NEK10: variants seen among roughly 807,000 people sequenced by gnomAD.
NEK10 encodes NIMA related kinase 10, also known as serine/threonine-protein kinase Nek10.
Under a neutral mutation model 159.8 loss-of-function variants are expected in NEK10, and 122 were observed. The observed-to-expected ratio is 0.76, with a 90% confidence interval of 0.66 to 0.89. NEK10 has a LOEUF of 0.89. Ranked by LOEUF, NEK10 falls within the 40% of genes least tolerant of loss-of-function variation. The pLI, the probability that NEK10 is intolerant of heterozygous loss-of-function variation, is 0.00. For missense variants in NEK10, 1,342 were observed against 1,323.1 expected (o/e 1.01, Z -0.22); for synonymous variants, 466 against 457.1 (o/e 1.02, Z -0.25).
chr3:27,129,763 C>T (rs9857897), intron 32 of NEK10, among the ~76,000 whole-genome samples: 90,338 of 151,888 alleles, frequency 0.59, 28,158 homozygotes, highest in East Asian at 0.89. Flanking sequence ...ACACACCCAC[C>T]AACTTTGGGG....
chr3:27,124,763 G>A (rs1211464227), intron 32 of NEK10, among the ~76,000 whole-genome samples: 1 of 152,210 alleles, frequency 6.6e-6, no homozygotes, highest in African/African-American at 2.4e-5. Flanking sequence ...AGAAGGTGGT[G>A]AGTCTAATTC....
At chr3:27,111,431 T>C in intron 35 of NEK10, 111 bp from the exon 36 acceptor site, 1 of 791,264 alleles carries the variant, frequency 1.3e-6, no homozygotes, top group Non-Finnish European at 1.9e-6. Context: ...TCACAGTAAA[T>C]AAAAAGACGA....
chr3:27,247,824 T>C (rs1266812899), intron 23 of NEK10, among the ~76,000 whole-genome samples: 2 of 150,220 alleles, frequency 1.3e-5, no homozygotes, highest in Non-Finnish European at 3.0e-5. Context: ...TCTTTTCTTT[T>C]TTTTTTTTTT....
intron 22 of NEK10, among the ~76,000 whole-genome samples, chr3:27,269,943 TATATAGTG>T (rs1244501470): frequency 2.0e-5 from 3 of 152,206 alleles, no homozygotes; most frequent in African/African-American, 7.2e-5. Context: ...AAAGTTTATA[TATATAGTG>T]AATTAGGCCA....
chr3:27,346,320 C>A, intron 3 of NEK10, 104 bp from the exon 4 acceptor site: 1 of 1,235,668 alleles, frequency 8.1e-7, no homozygotes, highest in Non-Finnish European at 1.2e-6. Flanking sequence ...TTTTTCCAGG[C>A]CAATAATTAA....
intron 22 of NEK10, among the ~76,000 whole-genome samples, chr3:27,279,352 C>G (rs1450121230): frequency 6.6e-6 from 1 of 152,118 alleles, no homozygotes. Flanking sequence ...AAAAATAAAA[C>G]ATAACAAGGC....
intron 22 of NEK10, among the ~76,000 whole-genome samples, chr3:27,270,759 CA>C (rs2041272029): frequency 1.3e-5 from 2 of 152,164 alleles, no homozygotes; most frequent in East Asian, 3.9e-4. Context: ...TCACTACTTA[CA>C]AGGTTAAAAC....
In NEK10 at chr3:27,322,188, G is replaced by C. The variant is rs1279573383; in HGVS notation, c.436C>G (p.Pro146Ala). The change falls in exon 6 of 36, where the codon CCA becomes GCA. Residue 146 changes from proline (P) to alanine (A), a missense_variant. By Grantham distance (27) the Pro-to-Ala change is conservative. Coordinates refer to ENST00000691995, the MANE Select transcript of NEK10 (RefSeq NM_001394966.1). Reference sequence around the variant, plus strand: ...TTTTTCCAACCAACCTGATAACATGGATCCCTCATTAGTAGCCTCAGACAG... The same window carrying C: ...TTTTTCCAACCAACCTGATAACATGCATCCCTCATTAGTAGCCTCAGACAG... ...LICLRLLMRD[P>A]CYQEILHSLG... The C allele has an allele frequency of 6.5e-7, 1 of 1,542,230 alleles. No homozygotes were observed. The highest frequency in any genetic ancestry group is 1.4e-5 in the African/African-American group (1 of 73,344).
At chr3:27,190,623 T>C (rs1271812658) in intron 26 of NEK10, among the ~76,000 whole-genome samples, 2 of 152,198 alleles carry the variant, frequency 1.3e-5, no homozygotes, top group East Asian at 1.9e-4. Flanking sequence ...ATCAGCCACA[T>C]GAATCTAATA....
intron 1 of NEK10, among the ~76,000 whole-genome samples, chr3:27,364,438 G>A (rs1004008908): frequency 1.3e-5 from 2 of 150,266 alleles, no homozygotes; most frequent in African/African-American, 4.9e-5. Context: ...ATGTTGGCCA[G>A]GCTGGTCTCA....
intron 22 of NEK10, among the ~76,000 whole-genome samples, chr3:27,270,770 C>T (rs1044426825): frequency 2.6e-5 from 4 of 152,094 alleles, no homozygotes; most frequent in African/African-American, 9.7e-5. Context: ...AAGGTTAAAA[C>T]TCTACAAAGA....
chr3:27,294,267 G>A (rs2043194371), intron 15 of NEK10, among the ~76,000 whole-genome samples: 1 of 151,986 alleles, frequency 6.6e-6, no homozygotes, highest in Non-Finnish European at 1.5e-5. Flanking sequence ...AGTGTGCCCA[G>A]CCTGCAGCTG....
chr3:27,113,196 G>A (rs2125402060), intron 35 of NEK10, among the ~76,000 whole-genome samples: 1 of 150,954 alleles, frequency 6.6e-6, no homozygotes, highest in African/African-American at 2.5e-5. Context: ...CACTTTGGGA[G>A]GCCAAGGCAG....
intron 25 of NEK10, 34 bp downstream of exon 25, chr3:27,201,476 G>C (rs1316698708): frequency 1.3e-6 from 2 of 1,554,586 alleles, no homozygotes; most frequent in Admixed American, 1.7e-5. Context: ...TTTCTTGATT[G>C]TCCCTACATG....
At chr3:27,137,497 T>C (rs1559501106) in intron 31 of NEK10, among the ~76,000 whole-genome samples, 1 of 152,246 alleles carries the variant, frequency 6.6e-6, no homozygotes, top group Non-Finnish European at 1.5e-5. Context: ...TCCGTAACAC[T>C]AAAGTTAAGA....
chr3:27,351,862 G>A (rs907820704), intron 3 of NEK10, among the ~76,000 whole-genome samples: 1 of 151,908 alleles, frequency 6.6e-6, no homozygotes, highest in African/African-American at 2.4e-5. Flanking sequence ...CTCCCTGGAT[G>A]GCCTCTAATG....
At chr3:27,166,678 G>A (rs965182149) in intron 29 of NEK10, among the ~76,000 whole-genome samples, 2 of 152,184 alleles carry the variant, frequency 1.3e-5, no homozygotes, top group Non-Finnish European at 2.9e-5. Flanking sequence ...GACTTAGAAA[G>A]GCCTGGCACG....
chr3:27,203,430 A>G (rs1950216089), intron 23 of NEK10, among the ~76,000 whole-genome samples: 1 of 152,224 alleles, frequency 6.6e-6, no homozygotes, highest in African/African-American at 2.4e-5. Context: ...CATTTAAATA[A>G]TTTGCAACGG....
chr3:27,188,476 T>C (rs755687456), intron 26 of NEK10, among the ~76,000 whole-genome samples: 80 of 152,340 alleles, frequency 5.3e-4, no homozygotes, highest in Non-Finnish European at 9.7e-4. Flanking sequence ...TCTTTCTCTC[T>C]TTCTGTTATA....
Sources: allele counts gnomAD v4.1 joint callset (sites outside exome capture counted in the v4.1 genomes callset), GRCh38; gene constraint gnomAD v4.1.1; transcripts MANE v1.5; gene names NCBI Gene and HGNC (gene_info 2026-07-23, HGNC 2026-07-21).